PAK3: variants seen among roughly 807,000 people sequenced by gnomAD.
The protein encoded by PAK3 is p21 (RAC1) activated kinase 3.
PAK3 carries 4 observed loss-of-function variants against 41.0 expected under a neutral mutation model. That is an observed-to-expected ratio of 0.10 (90% CI 0.05 to 0.22). The LOEUF is 0.22. Ranked by LOEUF, PAK3 falls within the 10% of genes least tolerant of loss-of-function variation. PAK3 has a pLI of 1.00. For missense variants in PAK3, 205 were observed against 409.9 expected (o/e 0.50, Z 4.32); for synonymous variants, 146 against 139.6 (o/e 1.05, Z -0.32).
intron 1 of PAK3, among the ~76,000 whole-genome samples, chrX:110,967,304 C>G (rs2091101472): frequency 8.9e-6 from 1 of 112,728 alleles, no homozygotes; most frequent in Non-Finnish European, 1.9e-5. Context: ...AGGATAGTAT[C>G]TTCAGTGAGC....
At chrX:111,025,572 C>A (rs2092257440) in intron 1 of PAK3, among the ~76,000 whole-genome samples, 1 of 110,824 alleles carries the variant, frequency 9.0e-6, no homozygotes, top group Non-Finnish European at 1.9e-5. Context: ...AAATATACAA[C>A]CCTCCTAGAT....
intron 16 of PAK3, among the ~76,000 whole-genome samples, chrX:111,201,859 G>A (rs1465002058): frequency 9.0e-6 from 1 of 110,642 alleles, no homozygotes; most frequent in African/African-American, 3.3e-5. Flanking sequence ...TATATGAAAT[G>A]TATATATGGA....
intron 8 of PAK3, among the ~76,000 whole-genome samples, chrX:111,160,144 A>AAAAT (rs1172792302): frequency 8.9e-6 from 1 of 112,134 alleles, no homozygotes; most frequent in African/African-American, 3.2e-5. Flanking sequence ...AAACAAAAAC[A>AAAAT]AAATAAATAC....
chrX:111,162,017 G>C (rs2094196696), intron 8 of PAK3, among the ~76,000 whole-genome samples: 2 of 111,679 alleles, frequency 1.8e-5, no homozygotes, highest in African/African-American at 3.3e-5. Flanking sequence ...CACCTGGAAG[G>C]CTTGTTATAA....
chrX:111,072,692 G>T (rs1347133686), intron 1 of PAK3, among the ~76,000 whole-genome samples: 1 of 112,263 alleles, frequency 8.9e-6, no homozygotes, highest in Non-Finnish European at 1.9e-5. Context: ...ATGCAGAGGA[G>T]GGCTGTGTCA....
At chrX:111,083,977 T>C (rs1286416963) in intron 1 of PAK3, among the ~76,000 whole-genome samples, 2 of 112,837 alleles carry the variant, frequency 1.8e-5, no homozygotes, top group Admixed American at 9.4e-5. Flanking sequence ...ATTTATTTAG[T>C]TTATGGACAG....
rs184438953 is a variant in PAK3 at position 111,106,044 on chromosome X, G to A, written c.-28+2738G>A. ...CGACTGTACACTCAAAATTATACAC[G>A]CCCTTATTCCCACAGACAAGCACTC... On this transcript the variant is annotated intron_variant, in intron 4 of 17. Coordinates refer to ENST00000372007, the MANE Select transcript of PAK3 (RefSeq NM_002578.5). Among the ~76,000 whole-genome samples the A allele has an allele frequency of 1.8e-3, 202 of 110,633 alleles. 1 individual carries two copies. Among genetic ancestry groups the A allele is most frequent in the African/African-American group, 6.2e-3 (188 of 30,380 alleles).
intron 1 of PAK3, among the ~76,000 whole-genome samples, chrX:110,963,439 C>T (rs1377783049): frequency 9.0e-6 from 1 of 111,711 alleles, no homozygotes; most frequent in Non-Finnish European, 1.9e-5. Context: ...AGGGAAAGTG[C>T]ACACTCTTAC....
intron 1 of PAK3, among the ~76,000 whole-genome samples, chrX:111,002,463 C>T (rs923120344): frequency 7.2e-5 from 8 of 111,614 alleles, no homozygotes; most frequent in Non-Finnish European, 1.1e-4. Context: ...AAGGCATCAG[C>T]TCTGCTTTTG....
At chrX:111,160,536 T>C (rs1490096732) in intron 8 of PAK3, among the ~76,000 whole-genome samples, 1 of 109,780 alleles carries the variant, frequency 9.1e-6, no homozygotes, top group Admixed American at 9.8e-5. Flanking sequence ...TACATATGTA[T>C]ACATGTGCCA....
intron 1 of PAK3, among the ~76,000 whole-genome samples, chrX:110,971,371 T>C (rs934935423): frequency 8.9e-6 from 1 of 112,324 alleles, no homozygotes; most frequent in Non-Finnish European, 1.9e-5. Flanking sequence ...TTCTTTCACT[T>C]AGCATAATGT....
chrX:111,051,041 A>T (rs1186658463), intron 1 of PAK3, among the ~76,000 whole-genome samples: 1 of 111,399 alleles, frequency 9.0e-6, no homozygotes, highest in Non-Finnish European at 1.9e-5. Context: ...GGAACCTAGA[A>T]CTTAGTCCTG....
At chrX:111,214,744 A>G (rs1258084965) in intron 16 of PAK3, among the ~76,000 whole-genome samples, 1 of 111,212 alleles carries the variant, frequency 9.0e-6, no homozygotes, top group African/African-American at 3.3e-5. Flanking sequence ...GCTAAAAACA[A>G]GAGATGTCTT....
intron 1 of PAK3, among the ~76,000 whole-genome samples, chrX:111,082,075 T>TA (rs1331093751): frequency 8.1e-5 from 9 of 111,362 alleles, no homozygotes; most frequent in South Asian, 3.8e-4. Context: ...AAAATAAAAT[T>TA]AAAAAAAATG....
In PAK3 at chrX:111,206,177, A is replaced by G. The variant is rs756891495; in HGVS notation, c.1407+9537A>G. On this transcript the variant is annotated intron_variant, in intron 16 of 17. Transcript: ENST00000372007. ...ATTCCACCAGCGATATTCTCCTCCC[A>G]TTGTCTTTTGGCCCCTGTTTTTGCC... Among the ~76,000 whole-genome samples, 7 of 110,717 alleles carry G rather than the reference A, an allele frequency of 6.3e-5. No individual in the cohort carries two copies. In the East Asian group the frequency reaches 1.4e-3, roughly 23 times the overall value.
intron 4 of PAK3, among the ~76,000 whole-genome samples, chrX:111,119,487 C>T (rs2093529859): frequency 1.8e-5 from 2 of 111,915 alleles, no homozygotes; most frequent in African/African-American, 6.5e-5. Context: ...AACAGTTGAA[C>T]TTTAAAGATA....
chrX:111,081,761 T>A (rs1856514), intron 1 of PAK3, among the ~76,000 whole-genome samples: 1 of 109,855 alleles, frequency 9.1e-6, no homozygotes, highest in Non-Finnish European at 1.9e-5. Context: ...ATATATGTCA[T>A]CTAGAATTTT....
intron 5 of PAK3, among the ~76,000 whole-genome samples, chrX:111,134,944 G>T (rs2093767947): frequency 9.0e-6 from 1 of 111,691 alleles, no homozygotes; most frequent in African/African-American, 3.3e-5. Context: ...GTGGGGACCA[G>T]ATCCTGGAGG....
chrX:111,136,319 G>A (rs188039264), intron 5 of PAK3, among the ~76,000 whole-genome samples: 1 of 111,830 alleles, frequency 8.9e-6, no homozygotes, highest in East Asian at 2.8e-4. Context: ...CAATCTGCAT[G>A]GCTGTGTGAT....
Sources: gnomAD v4.1 joint callset for allele counts (sites outside exome capture counted in the v4.1 genomes callset) on GRCh38, gnomAD v4.1.1 for gene constraint, MANE v1.5 for transcripts, NCBI Gene and HGNC (gene_info 2026-07-23, HGNC 2026-07-21) for gene names.